SDK1: variants seen among roughly 807,000 people sequenced by gnomAD.
The protein encoded by SDK1 is protein sidekick-1.
In SDK1, 157 loss-of-function variants were observed where a neutral mutation model predicts 245.5. The ratio of observed to expected loss-of-function variants is 0.64; its 90% CI spans 0.56 to 0.73. The LOEUF (loss-of-function observed/expected upper bound fraction) is 0.73. Among genes scored for constraint, SDK1 ranks in the 30% least tolerant of loss-of-function variants. SDK1 has a pLI of 0.00. For synonymous variants in SDK1, 1,647 were observed against 1,278.5 expected, an observed-to-expected ratio of 1.29 and a Z score of -6.15; for missense variants, 3,583 against 3,002.3, an observed-to-expected ratio of 1.19 and a Z score of -4.52.
At chr7:3,918,936 G>T (rs1779488447) in intron 5 of SDK1, among the ~76,000 whole-genome samples, 2 of 152,146 alleles carry the variant, frequency 1.3e-5, no homozygotes, top group African/African-American at 4.8e-5. Flanking sequence ...AGATTGATGT[G>T]TTACCGGAGA....
At chr7:4,199,481 A>G (rs1783766355) in intron 35 of SDK1, among the ~76,000 whole-genome samples, 1 of 152,248 alleles carries the variant, frequency 6.6e-6, no homozygotes, top group Admixed American at 6.5e-5. Flanking sequence ...ATTGTCTAGC[A>G]GTATTGAAGT....
intron 44 of SDK1, among the ~76,000 whole-genome samples, chr7:4,259,857 G>C (rs1049247441): frequency 3.9e-5 from 6 of 152,238 alleles, no homozygotes; most frequent in East Asian, 1.9e-4. Context: ...GGAGGTGGGT[G>C]AACCCGAGGG....
chr7:3,389,626 G>T (rs546837997), intron 1 of SDK1, among the ~76,000 whole-genome samples: 1 of 152,186 alleles, frequency 6.6e-6, no homozygotes, highest in Non-Finnish European at 1.5e-5. Context: ...CAGGATAGGT[G>T]TGGTGGCTCA....
chr7:4,100,058 A>G (rs62438175), intron 22 of SDK1, among the ~76,000 whole-genome samples: 82,482 of 152,154 alleles, frequency 0.54, 23,647 homozygotes, highest in South Asian at 0.71. Flanking sequence ...CCGAGGAGCC[A>G]CTGCTGCTCT....
At chr7:3,873,877 A>G (rs1781013511) in intron 5 of SDK1, among the ~76,000 whole-genome samples, 2 of 152,200 alleles carry the variant, frequency 1.3e-5, no homozygotes, top group Non-Finnish European at 2.9e-5. Context: ...AGCCTTTAAC[A>G]TATTAGCTAT....
At chr7:3,757,150 A>G (rs1419923751) in intron 4 of SDK1, among the ~76,000 whole-genome samples, 1 of 151,798 alleles carries the variant, frequency 6.6e-6, no homozygotes. Context: ...GCTCAAAACT[A>G]CCCCCACTTC....
rs146310663 is a variant in SDK1 at position 4,077,137 on chromosome 7, C to T, written c.3150C>T (p.Ala1050=). ...CCATCGACGTGGCCGCTGTGACTGC[C>T]GTGGGCACTGGCCTGGTGACTTCAT... ...TYTIDVAAVT[A]VGTGLVTSST... is the part of the protein sequence containing the mutation. Residue 1050 remains alanine, a synonymous_variant, in exon 21 of 45, where the codon GCC becomes GCT. Transcript: ENST00000404826. 306 of 1,614,244 alleles carry T rather than the reference C, an allele frequency of 1.9e-4. 4 individuals carry two copies. In the South Asian group the frequency reaches 2.8e-3, roughly 15 times the overall value.
At chr7:3,830,782 C>T (rs1428611501) in intron 5 of SDK1, among the ~76,000 whole-genome samples, 1 of 152,150 alleles carries the variant, frequency 6.6e-6, no homozygotes, top group African/African-American at 2.4e-5. Context: ...CAAGAGTGAG[C>T]CACTGCACCT....
intron 1 of SDK1, among the ~76,000 whole-genome samples, chr7:3,365,935 A>G (rs186304363): frequency 2.0e-5 from 3 of 151,930 alleles, no homozygotes; most frequent in African/African-American, 7.3e-5. Context: ...GCCACTTGGG[A>G]GGCTGAGGCA....
At chr7:4,090,425 T>C (rs1781712252) in intron 22 of SDK1, among the ~76,000 whole-genome samples, 1 of 152,216 alleles carries the variant, frequency 6.6e-6, no homozygotes, top group Non-Finnish European at 1.5e-5. Flanking sequence ...TCATTTATTT[T>C]TCCATTAATT....
intron 1 of SDK1, among the ~76,000 whole-genome samples, chr7:3,415,483 T>TA (rs1343960318): frequency 6.6e-6 from 1 of 151,898 alleles, no homozygotes; most frequent in Non-Finnish European, 1.5e-5. Flanking sequence ...GAAAAATGAT[T>TA]AAAAAACAAT....
At chr7:3,514,589 C>G (rs1237015236) in intron 1 of SDK1, among the ~76,000 whole-genome samples, 2 of 152,078 alleles carry the variant, frequency 1.3e-5, no homozygotes, top group African/African-American at 2.4e-5. Context: ...GGTCAGTGCT[C>G]TAGTCTGACT....
intron 4 of SDK1, among the ~76,000 whole-genome samples, chr7:3,705,425 GATTTT>G (rs4039583): frequency 0.24 from 27,701 of 113,256 alleles, 3,333 homozygotes; most frequent in East Asian, 0.41. Flanking sequence ...TATTCCTAGT[GATTTT>G]ATTTTATTTT....
chr7:3,721,993 A>G (rs1778825369), intron 4 of SDK1, among the ~76,000 whole-genome samples: 1 of 152,112 alleles, frequency 6.6e-6, no homozygotes, highest in African/African-American at 2.4e-5. Context: ...TCTGGAAGGC[A>G]GTGGCAACGA....
intron 5 of SDK1, among the ~76,000 whole-genome samples, chr7:3,922,940 C>A (rs1232605842): frequency 6.6e-6 from 1 of 152,212 alleles, no homozygotes; most frequent in African/African-American, 2.4e-5. Context: ...TTTTCCTCAT[C>A]ATAGCTAACT....
At chr7:3,729,993 C>T (rs1038014341) in intron 4 of SDK1, among the ~76,000 whole-genome samples, 1 of 151,870 alleles carries the variant, frequency 6.6e-6, no homozygotes, top group Non-Finnish European at 1.5e-5. Flanking sequence ...AACAGTAGTA[C>T]ATATATATGT....
chr7:3,732,602 C>T (rs897827801), intron 4 of SDK1, among the ~76,000 whole-genome samples: 3 of 152,280 alleles, frequency 2.0e-5, no homozygotes, highest in Non-Finnish European at 4.4e-5. Flanking sequence ...GCATTGTCCT[C>T]GGGAAGCATT....
chr7:3,785,280 C>T (rs1583411336), intron 4 of SDK1, among the ~76,000 whole-genome samples: 3 of 152,084 alleles, frequency 2.0e-5, no homozygotes, highest in African/African-American at 7.2e-5. Context: ...TGTTGCTGAG[C>T]ATGGTGAATA....
rs139128990 is a variant in SDK1 at position 3,989,801 on chromosome 7, C to T, written c.2131+2479C>T. 6.4e-3 allele frequency among the ~76,000 whole-genome samples: 981 copies of T among 152,350 alleles called. 8 individuals carry two copies. The highest frequency in any genetic ancestry group is 0.019 in the African/African-American group (809 of 41,580). The stretch of plus-strand genomic sequence containing the variant: ...TCTCCTAATTACCTTTCTACACCCT[C>T]GCCCTTCCCTGGGGGTTCCCTTCTG... On this transcript the variant is annotated intron_variant, in intron 14 of 44. Transcript: ENST00000404826.
Sources: gnomAD v4.1 joint callset for allele counts (sites outside exome capture counted in the v4.1 genomes callset) on GRCh38, gnomAD v4.1.1 for gene constraint, MANE v1.5 for transcripts, NCBI Gene and HGNC (gene_info 2026-07-23, HGNC 2026-07-21) for gene names.